Variants in EPHA6 observed in about 807,000 individuals in gnomAD.
EPHA6 encodes EPH receptor A6, also known as ephrin type-A receptor 6.
EPHA6 carries 50 observed loss-of-function variants against 112.0 expected under a neutral mutation model. That is an observed-to-expected ratio of 0.45 (90% CI 0.36 to 0.56). The LOEUF is 0.56. Among genes scored for constraint, EPHA6 ranks in the 20% least tolerant of loss-of-function variants. The pLI is 0.00. For missense variants in EPHA6, 1,280 were observed against 1,417.4 expected, an observed-to-expected ratio of 0.90 and a Z score of 1.56; for synonymous variants, 529 against 490.7, an observed-to-expected ratio of 1.08 and a Z score of -1.03.
chr3:97,456,815 T>G (rs1375684652), intron 7 of EPHA6, among the ~76,000 whole-genome samples: 19 of 152,156 alleles, frequency 1.2e-4, no homozygotes, highest in Admixed American at 2.6e-4. Context: ...TATAAATTGC[T>G]TGAATTTTTC....
Position 97,592,703 on chromosome 3 carries a change from A to G in EPHA6, c.2478A>G (p.Pro826=), listed in dbSNP as rs779531080. 3 of 1,605,502 alleles carry G rather than the reference A, an allele frequency of 1.9e-6. No homozygotes were observed. The highest frequency in any genetic ancestry group is 2.7e-5 in the African/African-American group (2 of 74,318). The part of the protein sequence containing the change: ...LNSIQAPHPV[P]GGGSLPPRIP... ...GCATCCAGGCCCCGCATCCAGTGCC[A>G]GGGGGAGGATCTTTGCCCCCCAGGA... The change falls in exon 12 of 18, where the codon CCA becomes CCG. Residue 826 remains proline, a synonymous_variant. Coordinates refer to ENST00000389672, the MANE Select transcript of EPHA6 (RefSeq NM_001080448.3).
intron 2 of EPHA6, among the ~76,000 whole-genome samples, chr3:96,872,450 C>G (rs1320991305): frequency 1.3e-5 from 2 of 152,066 alleles, no homozygotes; most frequent in Non-Finnish European, 2.9e-5. Flanking sequence ...ATTTAAATTT[C>G]TGACCTATTT....
chr3:97,638,760 C>G (rs1393562728), intron 14 of EPHA6, among the ~76,000 whole-genome samples: 1 of 152,164 alleles, frequency 6.6e-6, no homozygotes, highest in Middle Eastern at 3.4e-3. Context: ...GTCTCAAAGT[C>G]TCTGTTGTGC....
At chr3:97,635,542 G>A (rs1328721789) in intron 13 of EPHA6, among the ~76,000 whole-genome samples, 1 of 152,074 alleles carries the variant, frequency 6.6e-6, no homozygotes, top group Non-Finnish European at 1.5e-5. Context: ...AAAGAAGACA[G>A]TCACAAAAGA....
chr3:96,865,265 A>G (rs761197210), intron 1 of EPHA6, among the ~76,000 whole-genome samples: 2 of 152,228 alleles, frequency 1.3e-5, no homozygotes, highest in Non-Finnish European at 1.5e-5. Flanking sequence ...TCATATCTGA[A>G]AAATGTATCA....
intron 5 of EPHA6, among the ~76,000 whole-genome samples, chr3:97,356,696 G>C (rs368929984): frequency 9.9e-5 from 15 of 152,132 alleles, no homozygotes; most frequent in African/African-American, 3.4e-4. Context: ...CTGATCTGTT[G>C]AAATTTAATT....
chr3:97,293,844 G>A (rs1001602030), intron 5 of EPHA6, among the ~76,000 whole-genome samples: 1 of 152,188 alleles, frequency 6.6e-6, no homozygotes, highest in Non-Finnish European at 1.5e-5. Flanking sequence ...TGTCCATGCC[G>A]AGGAGTGCCT....
intron 14 of EPHA6, among the ~76,000 whole-genome samples, chr3:97,662,700 C>CT (rs2094177791): frequency 6.6e-6 from 1 of 152,192 alleles, no homozygotes; most frequent in East Asian, 1.9e-4. Flanking sequence ...TGGCATACCC[C>CT]TAGCATCTAC....
At chr3:97,467,657 C>A (rs577724731) in intron 7 of EPHA6, among the ~76,000 whole-genome samples, 1 of 151,810 alleles carries the variant, frequency 6.6e-6, no homozygotes, top group South Asian at 2.1e-4. Flanking sequence ...TGTAAATATT[C>A]TTTGAGAAAA....
intron 3 of EPHA6, among the ~76,000 whole-genome samples, chr3:96,996,932 A>T (rs559892277): frequency 1.4e-3 from 220 of 152,160 alleles, no homozygotes; most frequent in Middle Eastern, 3.4e-3. Context: ...TTACATCTAC[A>T]TTGAAACCCT....
At chr3:97,441,516 C>A (rs2090137734) in intron 6 of EPHA6, 1 of 747,814 alleles carries the variant, frequency 1.3e-6, no homozygotes, top group Non-Finnish European at 1.6e-6. Context: ...CAATTAGAAT[C>A]TGTTTGATTA....
chr3:97,167,218 A>T (rs575178058), intron 3 of EPHA6, among the ~76,000 whole-genome samples: 12 of 152,320 alleles, frequency 7.9e-5, no homozygotes, highest in African/African-American at 2.9e-4. Context: ...TATGGGTTTG[A>T]TAAGAAATCA....
intron 11 of EPHA6, among the ~76,000 whole-genome samples, chr3:97,576,660 C>G (rs542359555): frequency 1.3e-5 from 2 of 152,184 alleles, no homozygotes; most frequent in Non-Finnish European, 2.9e-5. Context: ...CTTTGTTTTA[C>G]TGTTAAAAGA....
intron 5 of EPHA6, among the ~76,000 whole-genome samples, chr3:97,403,477 C>T (rs1022826943): frequency 3.3e-5 from 5 of 152,160 alleles, no homozygotes; most frequent in African/African-American, 1.2e-4. Flanking sequence ...GACGGAGTCT[C>T]ACTCTGTCGC....
chr3:96,857,539 C>T (rs1337928501), intron 1 of EPHA6, among the ~76,000 whole-genome samples: 1 of 151,112 alleles, frequency 6.6e-6, no homozygotes, highest in Non-Finnish European at 1.5e-5. Context: ...GTGACATTTC[C>T]TCAGTAGTTT....
intron 3 of EPHA6, among the ~76,000 whole-genome samples, chr3:97,068,412 A>G (rs2051611869): frequency 6.6e-6 from 1 of 152,084 alleles, no homozygotes. Flanking sequence ...AGATGGGACT[A>G]TGATAATGGA....
intron 5 of EPHA6, among the ~76,000 whole-genome samples, chr3:97,326,869 C>T (rs1005372800): frequency 6.6e-6 from 1 of 152,072 alleles, no homozygotes; most frequent in African/African-American, 2.4e-5. Context: ...TCTTAATTTG[C>T]ATGAAAACTG....
intron 5 of EPHA6, among the ~76,000 whole-genome samples, chr3:97,272,297 CGTGTGTGTGTGTGTGTGTGTGT>C (rs58790255): frequency 6.7e-6 from 1 of 150,246 alleles, no homozygotes; most frequent in African/African-American, 2.5e-5. Flanking sequence ...TATTCCATTT[CGTGTGTGTGTGTGTGTGTGTGT>C]GTGTGTGTGT....
chr3:96,965,953 A>G (rs1468330962), intron 2 of EPHA6, among the ~76,000 whole-genome samples: 1 of 152,174 alleles, frequency 6.6e-6, no homozygotes, highest in African/African-American at 2.4e-5. Context: ...TCATGTAAAC[A>G]TGGTCTTGTT....
Sources: allele counts gnomAD v4.1 joint callset (sites outside exome capture counted in the v4.1 genomes callset), GRCh38; gene constraint gnomAD v4.1.1; transcripts MANE v1.5; gene names NCBI Gene and HGNC (gene_info 2026-07-23, HGNC 2026-07-21).